Variants in DMD observed in about 807,000 individuals in gnomAD.
The protein encoded by DMD is mutant dystrophin.
A neutral mutation model predicts 330.1 loss-of-function variants in DMD; 63 were observed. That is an observed-to-expected ratio of 0.19 (90% confidence interval 0.16 to 0.24). The LOEUF is 0.24. Among genes scored for constraint, DMD ranks in the 10% least tolerant of loss-of-function variants. The probability of loss-of-function intolerance (pLI) is 1.00; values close to 1 mark genes in which losing one functional copy is unlikely to be tolerated. For synonymous variants in DMD, 1,223 were observed against 959.8 expected (o/e 1.27, Z -5.07); for missense variants, 3,344 against 2,684.1 (o/e 1.25, Z -5.43).
intron 44 of DMD, among the ~76,000 whole-genome samples, chrX:32,014,657 C>A (rs1293315371): frequency 8.9e-6 from 1 of 111,780 alleles, no homozygotes; most frequent in Non-Finnish European, 1.9e-5. Flanking sequence ...TTAGAATCTT[C>A]ACATAGTAAG....
intron 47 of DMD, among the ~76,000 whole-genome samples, chrX:31,890,588 T>A (rs2149758946): frequency 9.3e-6 from 1 of 107,633 alleles, no homozygotes; most frequent in East Asian, 2.9e-4. Context: ...CAAGCCGTAC[T>A]ACACTATTTG....
intron 57 of DMD, among the ~76,000 whole-genome samples, chrX:31,483,815 C>A (rs1400576056): frequency 8.9e-6 from 1 of 111,840 alleles, no homozygotes; most frequent in African/African-American, 3.2e-5. Flanking sequence ...GGCAATAATT[C>A]TTATCATGTG....
chrX:33,166,078 T>C (rs1171313435), intron 1 of DMD, among the ~76,000 whole-genome samples: 1 of 111,262 alleles, frequency 9.0e-6, no homozygotes, highest in East Asian at 2.8e-4. Flanking sequence ...GAAGGAAAGG[T>C]GCTCAGTGTG....
intron 67 of DMD, among the ~76,000 whole-genome samples, chrX:31,187,790 C>T (rs1361197211): frequency 1.4e-5 from 1 of 69,460 alleles, no homozygotes; most frequent in Non-Finnish European, 2.7e-5. Flanking sequence ...AGAGAGAGAA[C>T]AAGCAAGAGT....
At chrX:32,783,149 CA>C (rs1246288634) in intron 7 of DMD, among the ~76,000 whole-genome samples, 2 of 93,100 alleles carry the variant, frequency 2.1e-5, no homozygotes, top group East Asian at 6.7e-4. Context: ...ATATATATAC[CA>C]TATATATAGA....
chrX:31,394,776 G>A lies in DMD; in HGVS notation c.9085-46142C>T, dbSNP rs185930220. 3.8e-3 allele frequency among the ~76,000 whole-genome samples: 419 copies of A among 111,395 alleles called. 3 individuals carry two copies. The highest frequency in any genetic ancestry group is 0.013 in the African/African-American group (394 of 30,647). On this transcript the variant is annotated intron_variant, in intron 60 of 78. Transcript: ENST00000357033. The stretch of plus-strand genomic sequence containing the variant: ...GCCATTGGACTCCAGTCTGGGCCAC[G>A]GAGCGAGACTCTGTCTCAAAAAAAA...
chrX:31,868,289 A>G (rs1258916492), intron 48 of DMD, among the ~76,000 whole-genome samples: 1 of 112,323 alleles, frequency 8.9e-6, no homozygotes. Flanking sequence ...TTTGCTAAAT[A>G]CAAGAAACGC....
chrX:32,977,512 A>G (rs2092588655), intron 2 of DMD, among the ~76,000 whole-genome samples: 1 of 110,421 alleles, frequency 9.1e-6, no homozygotes, highest in Non-Finnish European at 1.9e-5. Context: ...CTCAACCCAG[A>G]GTAATTTCAG....
intron 7 of DMD, among the ~76,000 whole-genome samples, chrX:32,759,595 A>G (rs1016005345): frequency 9.0e-6 from 1 of 111,624 alleles, no homozygotes; most frequent in African/African-American, 3.3e-5. Context: ...TAAGGCTATC[A>G]TATCCAAACA....
At chrX:31,583,175 G>T (rs932404434) in intron 55 of DMD, among the ~76,000 whole-genome samples, 19 of 112,197 alleles carry the variant, frequency 1.7e-4, no homozygotes, top group Admixed American at 9.4e-5. Context: ...CTGGGGAGTT[G>T]CAGATGTCAA....
chrX:33,201,318 A>G (rs991476130), intron 1 of DMD, among the ~76,000 whole-genome samples: 1 of 111,558 alleles, frequency 9.0e-6, no homozygotes, highest in African/African-American at 3.3e-5. Context: ...ATACATCTTG[A>G]ATAATTCTGT....
chrX:33,289,075 T>A (rs1298093595), intron 1 of DMD, among the ~76,000 whole-genome samples: 1 of 111,388 alleles, frequency 9.0e-6, no homozygotes, highest in East Asian at 2.8e-4. Flanking sequence ...AAAGTTATTA[T>A]TTCTATCTTG....
intron 48 of DMD, among the ~76,000 whole-genome samples, chrX:31,845,484 C>T (rs1419271060): frequency 9.9e-6 from 1 of 101,464 alleles, no homozygotes; most frequent in African/African-American, 3.6e-5. Flanking sequence ...GAGCTTAGTA[C>T]TTTGTAATAT....
intron 38 of DMD, among the ~76,000 whole-genome samples, chrX:32,347,798 A>C: frequency 8.9e-6 from 1 of 111,794 alleles, no homozygotes; most frequent in South Asian, 3.7e-4. Context: ...GCCAGAGAGA[A>C]ATGTAGTAGA....
chrX:33,281,210 A>AT (rs139177044), intron 1 of DMD, among the ~76,000 whole-genome samples: 43,726 of 91,887 alleles, frequency 0.48, 9,281 homozygotes, highest in Non-Finnish European at 0.59. Context: ...ATGCTATTGC[A>AT]TTTTTTTTTT....
At chrX:33,313,589 G>A (rs748275315) in intron 1 of DMD, among the ~76,000 whole-genome samples, 1 of 110,553 alleles carries the variant, frequency 9.0e-6, no homozygotes, top group Admixed American at 9.7e-5. Context: ...GAGCATTCTT[G>A]TTACCAACTG....
chrX:31,690,004 A>G (rs2082998528), intron 52 of DMD, among the ~76,000 whole-genome samples: 1 of 112,002 alleles, frequency 8.9e-6, no homozygotes, highest in South Asian at 3.7e-4. Context: ...TAGACCTAAA[A>G]CCATAAAAAC....
At chrX:32,968,630 C>A (rs2092257588) in intron 2 of DMD, among the ~76,000 whole-genome samples, 1 of 111,345 alleles carries the variant, frequency 9.0e-6, no homozygotes, top group Non-Finnish European at 1.9e-5. Flanking sequence ...ATGTTGAAAT[C>A]CTAACTCCCA....
intron 18 of DMD, among the ~76,000 whole-genome samples, chrX:32,515,312 G>A (rs2045751890): frequency 9.0e-6 from 1 of 111,467 alleles, no homozygotes; most frequent in Non-Finnish European, 1.9e-5. Flanking sequence ...TATACTCTGG[G>A]TAGTAAACAC....
Sources: gnomAD v4.1 joint callset for allele counts (sites outside exome capture counted in the v4.1 genomes callset) on GRCh38, gnomAD v4.1.1 for gene constraint, MANE v1.5 for transcripts, NCBI Gene and HGNC (gene_info 2026-07-23, HGNC 2026-07-21) for gene names.